The following SSUH2 variants were observed in gnomAD, a reference collection of about 807,000 sequenced individuals.
SSUH2 encodes protein SSUH2 homolog.
A neutral mutation model predicts 55.3 loss-of-function variants in SSUH2; 47 were observed. The observed-to-expected ratio is 0.85, with a 90% CI of 0.67 to 1.08. The LOEUF is 1.08. SSUH2 is among the 50% of genes least tolerant of loss of function. SSUH2 has a pLI of 0.00. For missense variants in SSUH2, 535 were observed against 490.7 expected (o/e 1.09, Z -0.85); for synonymous variants, 212 against 191.5 (o/e 1.11, Z -0.89).
intron 4 of SSUH2, among the ~76,000 whole-genome samples, chr3:8,671,674 G>A (rs575042181): frequency 6.6e-6 from 1 of 151,916 alleles, no homozygotes; most frequent in African/African-American, 2.4e-5. Flanking sequence ...GAATAATATC[G>A]CAGGGTGTAT....
At chr3:8,654,653 C>A (rs1218366056) in intron 7 of SSUH2, among the ~76,000 whole-genome samples, 1 of 152,216 alleles carries the variant, frequency 6.6e-6, no homozygotes, top group African/African-American at 2.4e-5. Flanking sequence ...ATAAATATCT[C>A]AATGTCTCAG....
rs752851940 is a variant in SSUH2, at chr3:8,626,285, G to A, written c.711C>T (p.Cys237=). The A allele has an allele frequency of 6.0e-5, 97 of 1,613,924 alleles. No homozygotes were observed. The highest frequency in any genetic ancestry group is 8.0e-5 in the African/African-American group (6 of 74,926). ...GCTTCTTCTCCCCCTTGCAGGTGGC[G>A]CAGGTCTTGTTCCCTCTCCCTGAGC... The part of the protein sequence containing the change: ...STCSGRGNKT[C]ATCKGEKKLL... The change falls in exon 9 of 12, where the codon TGC becomes TGT. Residue 237 remains cysteine, a synonymous_variant. Transcript: ENST00000544814.
At chr3:8,658,967 C>T (rs1022615195) in exon 7 of SSUH2, 2 of 152,262 alleles carry the variant, frequency 1.3e-5, no homozygotes, top group Non-Finnish European at 2.9e-5. Flanking sequence ...TCCATGTTAT[C>T]CTTCCTTCAC....
intron 5 of SSUH2, among the ~76,000 whole-genome samples, chr3:8,667,410 C>T (rs1704089355): frequency 6.6e-6 from 1 of 152,154 alleles, no homozygotes; most frequent in Non-Finnish European, 1.5e-5. Flanking sequence ...CTTTTGTCAC[C>T]ATCTTGGTTT....
At chr3:8,664,103 C>T (rs1213720023) in intron 5 of SSUH2, among the ~76,000 whole-genome samples, 1 of 152,214 alleles carries the variant, frequency 6.6e-6, no homozygotes, top group Non-Finnish European at 1.5e-5. Context: ...ACCCCCAAGG[C>T]TGCTGCAAAC....
chr3:8,678,028 C>T (rs1052057920), intron 2 of SSUH2, among the ~76,000 whole-genome samples: 11 of 152,022 alleles, frequency 7.2e-5, no homozygotes, highest in South Asian at 4.2e-4. Flanking sequence ...CCTGCGATAT[C>T]GCGTGTCATA....
chr3:8,678,023 G>A (rs550420545), intron 2 of SSUH2, among the ~76,000 whole-genome samples: 18 of 151,792 alleles, frequency 1.2e-4, no homozygotes, highest in Non-Finnish European at 2.4e-4. Flanking sequence ...TACTCCCTGC[G>A]ATATCGCGTG....
intron 6 of SSUH2, among the ~76,000 whole-genome samples, chr3:8,661,660 C>T (rs551284420): frequency 3.3e-5 from 5 of 152,318 alleles, no homozygotes; most frequent in African/African-American, 1.2e-4. Context: ...GCACCAGTGC[C>T]CTCAGCCTCA....
At chr3:8,670,811 G>T (rs990313907) in intron 5 of SSUH2, among the ~76,000 whole-genome samples, 17 of 152,016 alleles carry the variant, frequency 1.1e-4, no homozygotes, top group African/African-American at 3.9e-4. Flanking sequence ...ACATCCCCTT[G>T]ACAATAGTAG....
At chr3:8,665,372 T>A (rs1356083287) in intron 5 of SSUH2, among the ~76,000 whole-genome samples, 1 of 152,138 alleles carries the variant, frequency 6.6e-6, no homozygotes, top group Non-Finnish European at 1.5e-5. Context: ...TTTTCGCAGA[T>A]CAGCCAAAGA....
intron 10 of SSUH2, among the ~76,000 whole-genome samples, chr3:8,623,928 G>T (rs1033781785): frequency 6.6e-6 from 1 of 152,220 alleles, no homozygotes; most frequent in African/African-American, 2.4e-5. Flanking sequence ...CAGTGACCAT[G>T]GCTGGTGTGG....
rs73812733 is a variant in SSUH2, at chr3:8,629,485, C to T, written c.588+179G>A. 2,969 of 603,852 alleles carry T rather than the reference C, an allele frequency of 4.9e-3. 75 individuals carry two copies. In the African/African-American group the frequency reaches 0.051, roughly 10 times the overall value. The allele number at this position is 603,852 out of a possible 1,614,324, so 37.4% of individuals were successfully genotyped here. Reference sequence around the variant, plus strand: ...AAAGTGAAAGTGTCATTAGAGACCACACAACCCCACTTTTTCATTTTATAG... The same window carrying T: ...AAAGTGAAAGTGTCATTAGAGACCATACAACCCCACTTTTTCATTTTATAG... On this transcript the variant is annotated intron_variant, in intron 7 of 11. Transcript: ENST00000544814.
intron 4 of SSUH2, among the ~76,000 whole-genome samples, chr3:8,633,144 T>A (rs1311968574): frequency 6.8e-5 from 3 of 44,302 alleles, no homozygotes; most frequent in Non-Finnish European, 1.6e-4. Context: ...GATGACGCCT[T>A]TTTTTTTTTT....
Position 8,623,626 on chromosome 3 carries a change from C to T in SSUH2, c.904G>A (p.Asp302Asn), listed in dbSNP as rs1169900476. 11 of 1,542,302 alleles carry T rather than the reference C, an allele frequency of 7.1e-6. No homozygotes were observed. The highest frequency in any genetic ancestry group is 2.0e-5 in the Admixed American group (1 of 50,672). ...VYPIVDFPLR[D>N]ISLASQRGIA... The stretch of plus-strand genomic sequence containing the variant: ...CCCCTCTGGGAGGCAAGAGAGATGT[C>T]TCGCAGAGGGAAGTCCACGATGGGG... Residue 302 changes from aspartate to asparagine, a missense_variant, in exon 11 of 12, where the codon GAC becomes AAC. Transcript: ENST00000544814.
Position 8,644,722 on chromosome 3 carries a change from T to A in SSUH2, c.28+9A>T. The A allele has an allele frequency of 6.5e-7, 1 of 1,535,818 alleles. No homozygotes were observed. The highest frequency in any genetic ancestry group is 8.7e-7 in the Non-Finnish European group (1 of 1,146,622). On this transcript the variant is annotated intron_variant, in intron 1 of 11. Transcript: ENST00000544814. Reference sequence around the variant, plus strand: ...CAGTCTTCCGTGCCATCTTTGAGGCTCTACTTACTGTCATCTTCATTCAGA... The same window carrying A: ...CAGTCTTCCGTGCCATCTTTGAGGCACTACTTACTGTCATCTTCATTCAGA...
At chr3:8,674,917 C>A (rs1350075569) in intron 3 of SSUH2, among the ~76,000 whole-genome samples, 1 of 152,104 alleles carries the variant, frequency 6.6e-6, no homozygotes, top group Non-Finnish European at 1.5e-5. Context: ...GACTGCGGCC[C>A]AGCCGGTTAG....
intron 6 of SSUH2, among the ~76,000 whole-genome samples, chr3:8,660,824 A>G (rs1461167156): frequency 6.6e-6 from 1 of 152,246 alleles, no homozygotes; most frequent in Non-Finnish European, 1.5e-5. Context: ...CTTTTTGGAT[A>G]TGAATCCACT....
Position 8,641,269 on chromosome 3 carries a change from C to G in SSUH2, c.28+3462G>C, listed in dbSNP as rs150291891. Among the ~76,000 whole-genome samples the G allele has an allele frequency of 1.2e-3, 183 of 152,350 alleles. 1 individual carries two copies. The highest frequency in any genetic ancestry group is 4.0e-3 in the African/African-American group (168 of 41,580). ...TGTGGGGTCTGTGTCCCCCACCAGA[C>G]TTGGAGTACCCCAAAGGTAGATCAA... is the stretch of plus-strand genomic sequence containing the variant. On this transcript the variant is annotated intron_variant, in intron 1 of 11. Transcript: ENST00000544814.
rs1705754866 is a variant in SSUH2, at chr3:8,679,226, G to GCGAGGCGGGGAC, written c.-901+478_-901+479insGTCCCCGCCTCG. Reference sequence around the variant, plus strand: ...CATCGCAGGGGGGATGGCACCCTCCGTGAGCGGGGACTGAGAGCCAGCCAA... The same window carrying GCGAGGCGGGGAC: ...CATCGCAGGGGGGATGGCACCCTCCGCGAGGCGGGGACTGAGCGGGGACTGAGAGCCAGCCAA... On this transcript the variant is annotated intron_variant, in intron 2 of 18. Coordinates refer to the SSUH2 transcript ENST00000317371. 5.1e-4 allele frequency among the ~76,000 whole-genome samples: 2 copies of GCGAGGCGGGGAC among 3,948 alleles called. 1 individual carries two copies. Among genetic ancestry groups the GCGAGGCGGGGAC allele is most frequent in the East Asian group, 0.037 (2 of 54 alleles). The allele number at this position is 3,948 out of a possible 152,430, so 2.6% of individuals were successfully genotyped here. A position where few individuals can be genotyped will look rare whatever the true frequency, so the allele number is the denominator to read the frequency against.
Sources: allele counts gnomAD v4.1 joint callset (sites outside exome capture counted in the v4.1 genomes callset), GRCh38; gene constraint gnomAD v4.1.1; transcripts MANE v1.5; gene names NCBI Gene and HGNC (gene_info 2026-07-23, HGNC 2026-07-21).